Variants in GALM observed in about 807,000 individuals in gnomAD.
GALM encodes the protein aldose 1-epimerase.
A neutral mutation model predicts 37.4 loss-of-function variants in GALM; 43 were observed. The ratio of observed to expected loss-of-function variants is 1.15; its 90% CI spans 0.90 to 1.48. The LOEUF is 1.48. Ranked by LOEUF, GALM falls within the 40% of genes most tolerant of loss-of-function variation. The pLI, the probability that GALM is intolerant of heterozygous loss-of-function variation, is 0.00. For synonymous variants in GALM, 199 were observed against 170.6 expected (o/e 1.17, Z -1.30); for missense variants, 456 against 419.1 (o/e 1.09, Z -0.77).
intron 1 of GALM, among the ~76,000 whole-genome samples, chr2:38,671,061 T>C (rs1665087153): frequency 6.7e-6 from 1 of 148,248 alleles, no homozygotes; most frequent in African/African-American, 2.5e-5. Context: ...TAATTTATTC[T>C]CGCCAGTGCC....
At chr2:38,705,802 T>C (rs756820238) in intron 4 of GALM, among the ~76,000 whole-genome samples, 4 of 152,168 alleles carry the variant, frequency 2.6e-5, no homozygotes, top group Non-Finnish European at 5.9e-5. Flanking sequence ...GGTACAGTCA[T>C]GATTGTCTTT....
chr2:38,733,337 C>A (rs1472658619), intron 6 of GALM, 151 bp from the exon 7 acceptor site: 2 of 703,154 alleles, frequency 2.8e-6, no homozygotes, highest in Non-Finnish European at 2.6e-6. Context: ...GATTAAAGTT[C>A]TTTATCTCAC....
chr2:38,731,598 C>G, intron 5 of GALM, 137 bp from the exon 6 acceptor site: 1 of 684,176 alleles, frequency 1.5e-6, no homozygotes, highest in Non-Finnish European at 2.5e-6. Flanking sequence ...CATGCTCTTC[C>G]TACCTTCATC....
intron 4 of GALM, among the ~76,000 whole-genome samples, chr2:38,704,490 G>A (rs1665999142): frequency 6.6e-6 from 1 of 151,968 alleles, no homozygotes; most frequent in African/African-American, 2.4e-5. Flanking sequence ...AATACAGAGA[G>A]ACCCCATTTT....
intron 4 of GALM, among the ~76,000 whole-genome samples, chr2:38,697,617 C>A (rs1195326352): frequency 6.6e-6 from 1 of 152,124 alleles, no homozygotes; most frequent in South Asian, 2.1e-4. Context: ...AATGTAGCAA[C>A]TTTTATTTTG....
At chr2:38,684,177 G>GTTTT (rs1665469278) in intron 3 of GALM, among the ~76,000 whole-genome samples, 1 of 152,116 alleles carries the variant, frequency 6.6e-6, no homozygotes, top group Admixed American at 6.6e-5. Context: ...AATTTAATAA[G>GTTTT]TGGTATTTTT....
chr2:38,677,373 C>T (rs1391874898), intron 2 of GALM, among the ~76,000 whole-genome samples: 2 of 152,140 alleles, frequency 1.3e-5, no homozygotes, highest in East Asian at 1.9e-4. Context: ...GGAGGCTTCC[C>T]CGCCTCCATG....
In GALM at chr2:38,666,269, G is replaced by T; in HGVS notation, c.108G>T (p.Trp36Cys). 5.0e-6 allele frequency: 8 copies of T among 1,614,058 alleles called. No homozygotes were observed. Among genetic ancestry groups the T allele is most frequent in the African/African-American group, 1.3e-5 (1 of 75,026 alleles). ...SDLLRVDIISWGCTITALEVK... is the reference protein window; with the variant it reads ...SDLLRVDIISCGCTITALEVK... ...TCTTGAGAGTGGACATCATCTCCTGGGGCTGCACGATCACAGCCCTAGAGG... is the reference window on the plus strand; with the variant it reads ...TCTTGAGAGTGGACATCATCTCCTGTGGCTGCACGATCACAGCCCTAGAGG... The change falls in exon 1 of 7, where the codon TGG (tryptophan) becomes TGT (cysteine). Residue 36 changes from tryptophan (W) to cysteine (C), a missense_variant. By Grantham distance (215) the Trp-to-Cys change is radical. Transcript: ENST00000272252.
intron 1 of GALM, among the ~76,000 whole-genome samples, chr2:38,670,118 C>T (rs1558575317): frequency 6.6e-6 from 1 of 151,978 alleles, no homozygotes; most frequent in Non-Finnish European, 1.5e-5. Context: ...CCTACCTCAG[C>T]CTCCTAAAGT....
intron 4 of GALM, among the ~76,000 whole-genome samples, chr2:38,700,243 C>T (rs1036899178): frequency 4.6e-5 from 7 of 152,258 alleles, no homozygotes; most frequent in South Asian, 2.1e-4. Context: ...TGAACCACCG[C>T]GCTCAGCCTA....
At chr2:38,719,827 G>T (rs1666340755) in intron 4 of GALM, among the ~76,000 whole-genome samples, 1 of 148,364 alleles carries the variant, frequency 6.7e-6, no homozygotes, top group Non-Finnish European at 1.5e-5. Flanking sequence ...AACCTTTAGT[G>T]ACCCCCGAGG....
chr2:38,703,073 TATATATATATATATATA>T (rs1665955821), intron 4 of GALM, among the ~76,000 whole-genome samples: 2 of 6,430 alleles, frequency 3.1e-4, no homozygotes, highest in Non-Finnish European at 9.3e-4. Context: ...TATATATATA[TATATATATATATATATA>T]TATTTTTTTT....
At chr2:38,693,502 G>T (rs1390298096) in intron 4 of GALM, among the ~76,000 whole-genome samples, 1 of 150,564 alleles carries the variant, frequency 6.6e-6, no homozygotes, top group Non-Finnish European at 1.5e-5. Context: ...AAAAAAAAGA[G>T]AGAGAGAAAA....
intron 4 of GALM, among the ~76,000 whole-genome samples, chr2:38,693,342 G>T (rs963538462): frequency 6.6e-6 from 1 of 152,092 alleles, no homozygotes; most frequent in African/African-American, 2.4e-5. Context: ...AATTAGCTGG[G>T]TGTGATGGTA....
chr2:38,710,816 C>T (rs1426463905), intron 4 of GALM, among the ~76,000 whole-genome samples: 1 of 148,702 alleles, frequency 6.7e-6, no homozygotes, highest in Non-Finnish European at 1.5e-5. Context: ...TGCAATGGTG[C>T]GATCTTGGCT....
rs1024330193 is a variant in GALM at position 38,733,801 on chromosome 2, C to G, written c.*236C>G. The G allele has an allele frequency of 4.0e-6, 2 of 506,106 alleles. No individual in the cohort carries two copies. The highest frequency in any genetic ancestry group is 3.9e-5 in the African/African-American group (2 of 51,456). The allele number at this position is 506,106 out of a possible 1,614,324, so 31.4% of individuals were successfully genotyped here. On this transcript the variant is annotated 3_prime_UTR_variant, in exon 7 of 7. Transcript: ENST00000272252. ...AGTTCAGAGGGCAAGTGAACCCAAC[C>G]AACAATGTCGTCATCTAAGCCCTGA...
chr2:38,729,461 G>A (rs1666554001), intron 4 of GALM, 95 bp from the exon 5 acceptor site: 22 of 1,057,560 alleles, frequency 2.1e-5, no homozygotes, highest in Non-Finnish European at 3.0e-5. Flanking sequence ...TAAAATGAAG[G>A]CGGAGAGAGT....
At position 38,723,372 on chromosome 2, in the gene GALM, C is replaced by T. The variant is rs1033828614; in HGVS notation, c.635-6184C>T. Reference sequence around the variant, plus strand: ...CCCTAGTAATCGCTAAAATGACCTGCTGTGACTCTAACACTAGTTTCACCT... The same window carrying T: ...CCCTAGTAATCGCTAAAATGACCTGTTGTGACTCTAACACTAGTTTCACCT... On this transcript the variant is annotated intron_variant, in intron 4 of 6. Coordinates refer to ENST00000272252, the MANE Select transcript of GALM (RefSeq NM_138801.3). 3.9e-5 allele frequency among the ~76,000 whole-genome samples: 6 copies of T among 152,218 alleles called. No homozygotes were observed. The East Asian group carries it at 7.7e-4, about 20-fold the overall frequency.
intron 4 of GALM, among the ~76,000 whole-genome samples, chr2:38,718,356 G>A (rs569917658): frequency 9.3e-5 from 14 of 151,008 alleles, no homozygotes; most frequent in Non-Finnish European, 1.9e-4. Flanking sequence ...CCACCACCTC[G>A]CCCAGCTAAT....
Sources: allele counts gnomAD v4.1 joint callset (sites outside exome capture counted in the v4.1 genomes callset), GRCh38; gene constraint gnomAD v4.1.1; transcripts MANE v1.5; gene names NCBI Gene and HGNC (gene_info 2026-07-23, HGNC 2026-07-21).